SGCZ: variants seen among roughly 807,000 people sequenced by gnomAD.
The protein encoded by SGCZ is zeta-sarcoglycan.
SGCZ carries 40 observed loss-of-function variants against 41.3 expected under a neutral mutation model. The observed-to-expected ratio is 0.97, with a 90% CI of 0.75 to 1.26. The LOEUF (loss-of-function observed/expected upper bound fraction) is 1.26. SGCZ is among the 50% of genes most tolerant of loss of function. The probability of loss-of-function intolerance (pLI) is 0.00; values close to 1 mark genes in which losing one functional copy is unlikely to be tolerated. For missense variants in SGCZ, 552 were observed against 369.8 expected, an observed-to-expected ratio of 1.49 and a Z score of -4.04; for synonymous variants, 206 against 137.5, an observed-to-expected ratio of 1.50 and a Z score of -3.49.
At chr8:14,887,005 T>C (rs546124127) in intron 1 of SGCZ, among the ~76,000 whole-genome samples, 2 of 152,250 alleles carry the variant, frequency 1.3e-5, no homozygotes, top group East Asian at 3.9e-4. Flanking sequence ...GTCAGAGTTT[T>C]GGCTTAAGCA....
chr8:14,503,346 G>A (rs1017663480), intron 2 of SGCZ, among the ~76,000 whole-genome samples: 8 of 152,134 alleles, frequency 5.3e-5, no homozygotes, highest in Admixed American at 2.0e-4. Context: ...ACCTAACGTA[G>A]ATGATGGGTT....
intron 1 of SGCZ, among the ~76,000 whole-genome samples, chr8:14,891,113 A>G (rs969940182): frequency 2.0e-5 from 3 of 152,234 alleles, no homozygotes; most frequent in African/African-American, 7.2e-5. Context: ...CTGCAAGAAG[A>G]ACCTCCCTTG....
chr8:14,221,842 G>A (rs187568026), intron 4 of SGCZ, among the ~76,000 whole-genome samples: 47 of 152,074 alleles, frequency 3.1e-4, no homozygotes, highest in African/African-American at 1.1e-3. Context: ...AATGGCGTGT[G>A]CCTGTAATCT....
intron 1 of SGCZ, among the ~76,000 whole-genome samples, chr8:15,120,382 C>T (rs1460487725): frequency 1.3e-5 from 2 of 152,164 alleles, no homozygotes; most frequent in East Asian, 3.8e-4. Context: ...TTTCCCCCAA[C>T]ACTTAGAAAT....
chr8:15,235,614 T>G (rs1802095199), intron 1 of SGCZ, among the ~76,000 whole-genome samples: 1 of 152,156 alleles, frequency 6.6e-6, no homozygotes, highest in African/African-American at 2.4e-5. Flanking sequence ...AGCTGAGATC[T>G]TCTACTAATT....
chr8:14,908,873 C>T (rs537245914), intron 1 of SGCZ, among the ~76,000 whole-genome samples: 38 of 151,724 alleles, frequency 2.5e-4, no homozygotes, highest in Non-Finnish European at 3.7e-4. Flanking sequence ...TTATATGCGA[C>T]GAATAGTTTG....
chr8:15,163,869 T>G (rs1209600963), intron 1 of SGCZ, among the ~76,000 whole-genome samples: 1 of 152,206 alleles, frequency 6.6e-6, no homozygotes, highest in African/African-American at 2.4e-5. Context: ...GGGCTGCTAT[T>G]GAGACAGCCA....
intron 4 of SGCZ, among the ~76,000 whole-genome samples, chr8:14,202,531 AT>A (rs139469611): frequency 0.045 from 6,834 of 152,076 alleles, 188 homozygotes; most frequent in Middle Eastern, 0.085. Context: ...TACTTGGATA[AT>A]TTTTTTTAAT....
chr8:14,716,481 C>A (rs546553285), intron 1 of SGCZ, among the ~76,000 whole-genome samples: 3 of 152,024 alleles, frequency 2.0e-5, no homozygotes, highest in Non-Finnish European at 4.4e-5. Flanking sequence ...GGGGGACCTG[C>A]AAAACCGAGT....
intron 2 of SGCZ, among the ~76,000 whole-genome samples, chr8:14,536,712 A>C (rs1277741804): frequency 4.6e-5 from 7 of 151,898 alleles, no homozygotes; most frequent in Non-Finnish European, 1.0e-4. Flanking sequence ...CTGTGTGTCC[A>C]TGTATAAGTG....
intron 1 of SGCZ, among the ~76,000 whole-genome samples, chr8:14,702,782 C>CAGAT (rs1246794765): frequency 4.9e-5 from 4 of 80,962 alleles, no homozygotes; most frequent in Admixed American, 2.4e-4. Context: ...GATAGATAGA[C>CAGAT]AGACAGACAG....
chr8:14,375,184 A>G (rs961028623), intron 2 of SGCZ, among the ~76,000 whole-genome samples: 9 of 152,216 alleles, frequency 5.9e-5, no homozygotes, highest in Non-Finnish European at 1.2e-4. Flanking sequence ...AAGTGCAATG[A>G]AAAAAGTATG....
chr8:15,220,912 T>G (rs268346), intron 1 of SGCZ, among the ~76,000 whole-genome samples: 134,638 of 152,066 alleles, frequency 0.89, 59,738 homozygotes, highest in Non-Finnish European at 0.91. Context: ...CTATCACAAG[T>G]ACAGAAAACC....
chr8:14,210,640 T>G (rs1465233124), intron 4 of SGCZ, among the ~76,000 whole-genome samples: 1 of 151,228 alleles, frequency 6.6e-6, no homozygotes, highest in African/African-American at 2.4e-5. Flanking sequence ...ATTTTTTGTA[T>G]TTTTTTAGTA....
chr8:14,879,924 C>G (rs1804521330), intron 1 of SGCZ: 3 of 152,040 alleles, frequency 2.0e-5, no homozygotes, highest in African/African-American at 2.4e-5. Flanking sequence ...CACTGCACCT[C>G]CCCCTTCCTG....
chr8:14,409,393 C>G (rs886787357), intron 2 of SGCZ, among the ~76,000 whole-genome samples: 2 of 151,698 alleles, frequency 1.3e-5, no homozygotes, highest in Non-Finnish European at 2.9e-5. Flanking sequence ...AAATATTGAT[C>G]GTATCATTAA....
rs964579998 is a variant in SGCZ, at chr8:14,658,466, C to T, written c.40-103540G>A. Reference sequence around the variant, plus strand: ...CATCATTCTAAGCTTCAGGCACCTGCTATTCCTACCAGATGATAAGATGCG... The same window carrying T: ...CATCATTCTAAGCTTCAGGCACCTGTTATTCCTACCAGATGATAAGATGCG... On this transcript the variant is annotated intron_variant, in intron 1 of 7. Coordinates refer to ENST00000382080, the MANE Select transcript of SGCZ (RefSeq NM_139167.4). 2.6e-5 allele frequency among the ~76,000 whole-genome samples: 4 copies of T among 152,240 alleles called. No individual in the cohort carries two copies. In the South Asian group the frequency reaches 8.3e-4, roughly 32 times the overall value.
At chr8:15,039,139 G>A (rs1803981622) in intron 1 of SGCZ, among the ~76,000 whole-genome samples, 1 of 152,052 alleles carries the variant, frequency 6.6e-6, no homozygotes, top group Admixed American at 6.6e-5. Context: ...TATAGCCAAA[G>A]GAAATTAAAT....
At chr8:14,183,928 T>A (rs1979382) in intron 4 of SGCZ, among the ~76,000 whole-genome samples, 107,238 of 151,990 alleles carry the variant, frequency 0.71, 38,359 homozygotes, top group South Asian at 0.84. Flanking sequence ...TGTAAAAAAA[T>A]TCCAAAGAAT....
Sources: allele counts gnomAD v4.1 joint callset (sites outside exome capture counted in the v4.1 genomes callset), GRCh38; gene constraint gnomAD v4.1.1; transcripts MANE v1.5; gene names NCBI Gene and HGNC (gene_info 2026-07-23, HGNC 2026-07-21).